The following CCSER1 variants were observed in gnomAD, a reference collection of about 807,000 sequenced individuals.
CCSER1 encodes coiled-coil serine rich protein 1, also known as serine-rich coiled-coil domain-containing protein 1.
CCSER1 carries 41 observed loss-of-function variants against 82.0 expected under a neutral mutation model. The ratio of observed to expected loss-of-function variants is 0.50; its 90% CI spans 0.39 to 0.65. CCSER1 has a LOEUF of 0.65. CCSER1 is among the 30% of genes least tolerant of loss of function. CCSER1 has a pLI of 0.00. For synonymous variants in CCSER1, 414 were observed against 383.9 expected (o/e 1.08, Z -0.92); for missense variants, 1,119 against 1,064.2 (o/e 1.05, Z -0.72).
intron 10 of CCSER1, among the ~76,000 whole-genome samples, chr4:91,258,479 ATAAGT>A (rs1290603076): frequency 6.6e-6 from 1 of 152,074 alleles, no homozygotes; most frequent in Non-Finnish European, 1.5e-5. Context: ...ACATTATCAG[ATAAGT>A]TGAGTTAGTG....
At chr4:90,460,274 G>A (rs1262739307) in intron 4 of CCSER1, among the ~76,000 whole-genome samples, 4 of 127,366 alleles carry the variant, frequency 3.1e-5, no homozygotes, top group Non-Finnish European at 1.5e-5. Context: ...GCAGTGAGTC[G>A]AGATCGCGCC....
intron 10 of CCSER1, among the ~76,000 whole-genome samples, chr4:91,235,557 T>C (rs922149893): frequency 2.6e-5 from 4 of 152,194 alleles, no homozygotes; most frequent in African/African-American, 9.6e-5. Flanking sequence ...CTTCATGATA[T>C]ATTAGATTTA....
chr4:90,869,880 T>G (rs1766229996), intron 8 of CCSER1, among the ~76,000 whole-genome samples: 3 of 151,958 alleles, frequency 2.0e-5, no homozygotes, highest in Admixed American at 2.0e-4. Context: ...TTGATTTCTT[T>G]CAAGAATGTT....
chr4:90,167,613 A>G (rs1466160670), intron 1 of CCSER1, among the ~76,000 whole-genome samples: 1 of 151,950 alleles, frequency 6.6e-6, no homozygotes, highest in Non-Finnish European at 1.5e-5. Flanking sequence ...TCCTAATGCT[A>G]TCCCTCCCCC....
intron 10 of CCSER1, among the ~76,000 whole-genome samples, chr4:91,105,715 T>TA (rs1725545085): frequency 6.6e-6 from 1 of 151,794 alleles, no homozygotes; most frequent in Non-Finnish European, 1.5e-5. Context: ...AAAAAATAAA[T>TA]AAAAATAACA....
intron 4 of CCSER1, among the ~76,000 whole-genome samples, chr4:90,453,684 AG>A (rs1386007863): frequency 6.6e-6 from 1 of 152,114 alleles, no homozygotes; most frequent in Non-Finnish European, 1.5e-5. Context: ...TGCCCAAGAG[AG>A]GAGTTGGGCT....
At chr4:90,221,225 A>C (rs944276402) in intron 1 of CCSER1, among the ~76,000 whole-genome samples, 3 of 152,200 alleles carry the variant, frequency 2.0e-5, no homozygotes, top group African/African-American at 7.2e-5. Context: ...CTAAGAAAAA[A>C]TAATCTTGGG....
chr4:91,039,587 G>A (rs1466109601), intron 9 of CCSER1, among the ~76,000 whole-genome samples: 5 of 151,866 alleles, frequency 3.3e-5, no homozygotes, highest in Non-Finnish European at 5.9e-5. Context: ...GACAATTTAG[G>A]TTGTTGCCAT....
intron 8 of CCSER1, among the ~76,000 whole-genome samples, chr4:90,894,064 A>G (rs892079634): frequency 2.6e-5 from 4 of 151,996 alleles, no homozygotes; most frequent in Non-Finnish European, 4.4e-5. Flanking sequence ...TATTCCTTTG[A>G]AAGGACACTT....
rs749253663 is a variant in CCSER1 at position 90,930,939 on chromosome 4, T to TATATATATAC, written c.2172+7493_2172+7494insTATATATACA. Among the ~76,000 whole-genome samples the TATATATATAC allele has an allele frequency of 3.1e-3, 420 of 135,028 alleles. 4 individuals carry two copies. Among genetic ancestry groups the TATATATATAC allele is most frequent in the African/African-American group, 3.8e-3 (140 of 36,914 alleles). 88.6% of individuals were successfully genotyped at this position (135,028 alleles called of 152,430 possible). ...ATATATATATATATATATATATATA[T>TATATATATAC]ACACATGACATATATATACATACAT... On this transcript the variant is annotated intron_variant, in intron 9 of 10. Coordinates refer to ENST00000509176, the MANE Select transcript of CCSER1 (RefSeq NM_001145065.2).
At chr4:90,417,118 T>C (rs1195770748) in intron 4 of CCSER1, among the ~76,000 whole-genome samples, 1 of 152,166 alleles carries the variant, frequency 6.6e-6, no homozygotes, top group African/African-American at 2.4e-5. Flanking sequence ...AAAACCTAGA[T>C]GACGGGTTGA....
chr4:91,094,041 A>T lies in CCSER1; in HGVS notation c.2217+8047A>T, dbSNP rs186921093. Among the ~76,000 whole-genome samples, 66 of 152,300 alleles carry T rather than the reference A, an allele frequency of 4.3e-4. 2 individuals carry two copies. Among genetic ancestry groups the T allele is most frequent in the Non-Finnish European group, 3.2e-4 (22 of 68,030 alleles). ...CCCAGGTAGCGTACCTGCTGTCTGC[A>T]GATCTGAGCTTTCTTCTTGGACATC... On this transcript the variant is annotated intron_variant, in intron 10 of 10. Transcript: ENST00000509176.
chr4:90,301,096 A>G (rs1733014679), intron 1 of CCSER1, among the ~76,000 whole-genome samples: 1 of 152,032 alleles, frequency 6.6e-6, no homozygotes, highest in Non-Finnish European at 1.5e-5. Context: ...AGCCTCCCGA[A>G]ATGTTGGGAT....
At chr4:90,912,348 C>A (rs186325728) in intron 8 of CCSER1, among the ~76,000 whole-genome samples, 3 of 152,330 alleles carry the variant, frequency 2.0e-5, no homozygotes, top group Admixed American at 6.5e-5. Flanking sequence ...CGCTATTCTG[C>A]AGCCTCCACT....
intron 1 of CCSER1, among the ~76,000 whole-genome samples, chr4:90,281,530 T>C (rs971962937): frequency 2.2e-4 from 33 of 151,998 alleles, no homozygotes; most frequent in African/African-American, 7.5e-4. Flanking sequence ...ATATATTCTG[T>C]AAAGAGTGTG....
intron 7 of CCSER1, among the ~76,000 whole-genome samples, chr4:90,745,664 G>C (rs1013822325): frequency 1.4e-5 from 2 of 142,398 alleles, no homozygotes; most frequent in Admixed American, 1.4e-4. Flanking sequence ...AATTACACAA[G>C]CTATTTCTTT....
At chr4:91,544,217 A>T (rs918860657) in intron 10 of CCSER1, among the ~76,000 whole-genome samples, 1 of 151,882 alleles carries the variant, frequency 6.6e-6, no homozygotes, top group Non-Finnish European at 1.5e-5. Flanking sequence ...TCTTTTTTCC[A>T]GTTTTTTAGC....
intron 9 of CCSER1, among the ~76,000 whole-genome samples, chr4:91,071,186 G>A (rs1165721113): frequency 6.6e-6 from 1 of 152,112 alleles, no homozygotes. Context: ...CACTGTTTGA[G>A]CAACTGGTAT....
At chr4:91,291,120 G>A (rs952710737) in intron 10 of CCSER1, among the ~76,000 whole-genome samples, 6 of 151,534 alleles carry the variant, frequency 4.0e-5, no homozygotes, top group Non-Finnish European at 8.8e-5. Context: ...ATAAATATCT[G>A]TAAGCACCCA....
Sources: allele counts gnomAD v4.1 joint callset (sites outside exome capture counted in the v4.1 genomes callset), GRCh38; gene constraint gnomAD v4.1.1; transcripts MANE v1.5; gene names NCBI Gene and HGNC (gene_info 2026-07-23, HGNC 2026-07-21).